The following RASGRP3 variants were observed in gnomAD, a reference collection of about 807,000 sequenced individuals.
The protein encoded by RASGRP3 is RAS guanyl releasing protein 3, also known as ras guanyl-releasing protein 3.
Under a neutral mutation model 82.7 loss-of-function variants are expected in RASGRP3, and 54 were observed. The ratio of observed to expected loss-of-function variants is 0.65; its 90% CI spans 0.52 to 0.82. The LOEUF (loss-of-function observed/expected upper bound fraction) is 0.82. RASGRP3 is among the 40% of genes least tolerant of loss of function. RASGRP3 has a pLI of 0.00. For missense variants in RASGRP3, 861 were observed against 828.9 expected (o/e 1.04, Z -0.48); for synonymous variants, 309 against 300.5 (o/e 1.03, Z -0.29).
intron 1 of RASGRP3, among the ~76,000 whole-genome samples, chr2:33,499,490 G>A (rs1470283462): frequency 2.0e-5 from 3 of 152,078 alleles, no homozygotes; most frequent in African/African-American, 7.2e-5. Context: ...CCCAGGAGGT[G>A]GAGGTTGCAG....
At chr2:33,447,105 CAA>C (rs1161927671) in intron 1 of RASGRP3, among the ~76,000 whole-genome samples, 14 of 59,264 alleles carry the variant, frequency 2.4e-4, no homozygotes, top group South Asian at 6.6e-4. Context: ...GACTCCGTCT[CAA>C]AAAAAAAAAA....
chr2:33,445,776 A>C (rs1023964871), intron 1 of RASGRP3, among the ~76,000 whole-genome samples: 1 of 152,118 alleles, frequency 6.6e-6, no homozygotes, highest in African/African-American at 2.4e-5. Flanking sequence ...AACCAAACAG[A>C]AAAAGTATAT....
chr2:33,493,197 T>C (rs1050739978), intron 1 of RASGRP3: 5 of 152,192 alleles, frequency 3.3e-5, no homozygotes, highest in Non-Finnish European at 7.3e-5. Flanking sequence ...ATGGCTAAAA[T>C]TGGAGCTACC....
At chr2:33,459,207 T>A (rs780852849) in intron 2 of RASGRP3, among the ~76,000 whole-genome samples, 2 of 152,104 alleles carry the variant, frequency 1.3e-5, no homozygotes, top group African/African-American at 4.8e-5. Flanking sequence ...CAGTCTTGGC[T>A]CACTGCAAGC....
At chr2:33,438,510 C>T (rs530207929) in intron 1 of RASGRP3, among the ~76,000 whole-genome samples, 19 of 150,496 alleles carry the variant, frequency 1.3e-4, no homozygotes, top group South Asian at 2.1e-4. Context: ...TGCAGTGAGC[C>T]GGGATCGCGC....
Position 33,442,554 on chromosome 2 carries a change from T to C in RASGRP3, c.-384-5266T>C, listed in dbSNP as rs140214106. 3.6e-3 allele frequency among the ~76,000 whole-genome samples: 543 copies of C among 152,372 alleles called. 2 individuals are homozygous for C. The highest frequency in any genetic ancestry group is 0.011 in the African/African-American group (472 of 41,596). On this transcript the variant is annotated intron_variant, in intron 1 of 18. Coordinates refer to the RASGRP3 transcript ENST00000402538. ...ATATGTTCATGCTAATTCATTGCCA[T>C]TGACGGCCTCTCCTCCAAGTAAAGG...
chr2:33,531,733 G>C (rs2151048439), intron 10 of RASGRP3: 1 of 152,312 alleles, frequency 6.6e-6, no homozygotes, highest in African/African-American at 2.4e-5. Flanking sequence ...TTCCATCGCT[G>C]AGCCAGTTAT....
intron 14 of RASGRP3, 145 bp downstream of exon 14, chr2:33,549,896 A>C: frequency 9.2e-7 from 1 of 1,089,798 alleles, no homozygotes; most frequent in Non-Finnish European, 1.3e-6. Context: ...TTGAAGATTA[A>C]ACACCAAAGG....
chr2:33,541,548 AG>A (rs1674279955), intron 12 of RASGRP3, among the ~76,000 whole-genome samples: 2 of 147,078 alleles, frequency 1.4e-5, no homozygotes, highest in Admixed American at 1.4e-4. Context: ...ATACCCTAGA[AG>A]ATGATCGATT....
chr2:33,516,268 C>A (rs548526265), intron 3 of RASGRP3, among the ~76,000 whole-genome samples: 3 of 152,034 alleles, frequency 2.0e-5, no homozygotes, highest in Non-Finnish European at 4.4e-5. Flanking sequence ...ATTTGCCAGG[C>A]GTGGTGGCAG....
chr2:33,461,557 C>A lies in RASGRP3; in HGVS notation c.-261+13614C>A, dbSNP rs370306446. Among the ~76,000 whole-genome samples the A allele has an allele frequency of 1.2e-4, 19 of 152,336 alleles. No individual in the cohort carries two copies. In the South Asian group the frequency reaches 3.7e-3, roughly 30 times the overall value. ...CCTCCCAAAGTGCTGGGATTGCAGG[C>A]GTGAGCCAATGTGCCCAGCTCCTGC... On this transcript the variant is annotated intron_variant, in intron 2 of 18. Coordinates refer to the RASGRP3 transcript ENST00000402538.
At chr2:33,450,808 CTCTTTCTTTCTT>C (rs1403393427) in intron 2 of RASGRP3, among the ~76,000 whole-genome samples, 2 of 65,310 alleles carry the variant, frequency 3.1e-5, no homozygotes, top group Non-Finnish European at 6.1e-5. Flanking sequence ...CTTTCTTTTT[CTCTTTCTTTCTT>C]TCTTTTTTTT....
intron 2 of RASGRP3, among the ~76,000 whole-genome samples, chr2:33,471,341 A>ATTTTTTTTTTTT (rs70940204): frequency 3.7e-5 from 4 of 106,790 alleles, no homozygotes; most frequent in Non-Finnish European, 3.6e-5. Flanking sequence ...ACACTGGGCT[A>ATTTTTTTTTTTT]TTTTTTTTTT....
intron 2 of RASGRP3, chr2:33,513,743 G>A (rs1197886615): frequency 1.3e-5 from 2 of 152,178 alleles, no homozygotes; most frequent in Non-Finnish European, 2.9e-5. Flanking sequence ...GCAACTATAA[G>A]AGGCTATTGC....
chr2:33,555,005 CAT>C (rs1675784826), intron 14 of RASGRP3: 1 of 152,422 alleles, frequency 6.6e-6, no homozygotes, highest in Admixed American at 6.5e-5. Flanking sequence ...ACAGGCCAAA[CAT>C]AGAGCAAATG....
intron 2 of RASGRP3, among the ~76,000 whole-genome samples, chr2:33,469,972 C>T (rs1042260461): frequency 6.6e-6 from 1 of 152,134 alleles, no homozygotes; most frequent in Non-Finnish European, 1.5e-5. Flanking sequence ...GGGCTTTTGG[C>T]TCTGTTCCAT....
At chr2:33,462,909 A>G (rs1297718119) in intron 2 of RASGRP3, among the ~76,000 whole-genome samples, 1 of 152,248 alleles carries the variant, frequency 6.6e-6, no homozygotes, top group Non-Finnish European at 1.5e-5. Flanking sequence ...TATTCTCTGC[A>G]CACTAAAATG....
At chr2:33,539,020 C>T (rs1673946030) in intron 11 of RASGRP3, 74 bp from the exon 12 acceptor site, 2 of 1,112,408 alleles carry the variant, frequency 1.8e-6, no homozygotes, top group South Asian at 3.0e-5. Context: ...GCCTGGGCGA[C>T]AGAACCAGAC....
intron 10 of RASGRP3, among the ~76,000 whole-genome samples, chr2:33,529,777 T>C (rs1672933239): frequency 6.6e-6 from 1 of 152,124 alleles, no homozygotes; most frequent in Admixed American, 6.5e-5. Flanking sequence ...AAGGGTTTTA[T>C]GCTCATTTGT....
Sources: allele counts gnomAD v4.1 joint callset (sites outside exome capture counted in the v4.1 genomes callset), GRCh38; gene constraint gnomAD v4.1.1; transcripts MANE v1.5; gene names NCBI Gene and HGNC (gene_info 2026-07-23, HGNC 2026-07-21).